The following TRAPPC10 variants were observed in gnomAD, a reference collection of about 807,000 sequenced individuals.
TRAPPC10 encodes the protein trafficking protein particle complex subunit 10.
A neutral mutation model predicts 125.5 loss-of-function variants in TRAPPC10; 23 were observed. The observed-to-expected ratio is 0.18, with a 90% CI of 0.13 to 0.26. TRAPPC10 has a LOEUF of 0.26. TRAPPC10 is among the 10% of genes least tolerant of loss of function. TRAPPC10 has a pLI of 1.00. For missense variants in TRAPPC10, 1,123 were observed against 1,308.4 expected (o/e 0.86, Z 2.19); for synonymous variants, 509 against 518.0 (o/e 0.98, Z 0.24).
chr21:44,079,232 C>G (rs2037501392), intron 11 of TRAPPC10, among the ~76,000 whole-genome samples: 1 of 152,108 alleles, frequency 6.6e-6, no homozygotes, highest in African/African-American at 2.4e-5. Flanking sequence ...TCTTGCCTGT[C>G]AGCTTGAGAT....
At position 44,101,332 on chromosome 21, in the gene TRAPPC10, A is replaced by G. The variant is rs961012642; in HGVS notation, c.3347-1446A>G. ...TTAAGAAGGGACGAGATGATGCTGA[A>G]GATTAAGGCCATAGCAAGCAGACCA... On this transcript the variant is annotated intron_variant, in intron 21 of 22. Transcript: ENST00000291574. Among the ~76,000 whole-genome samples, 60 of 71,638 alleles carry G rather than the reference A, an allele frequency of 8.4e-4. 18 individuals are homozygous for G. The highest frequency in any genetic ancestry group is 1.8e-3 in the African/African-American group (60 of 32,646). The allele number at this position is 71,638 out of a possible 152,430, so 47.0% of individuals were successfully genotyped here.
chr21:44,068,666 T>C (rs9977122), intron 7 of TRAPPC10, among the ~76,000 whole-genome samples: 7,161 of 152,164 alleles, frequency 0.047, 353 homozygotes, highest in African/African-American at 0.1. Context: ...AGTGGTGTGA[T>C]CTTGGCTCAT....
chr21:44,057,863 T>TG (rs980321170), intron 5 of TRAPPC10, among the ~76,000 whole-genome samples: 1 of 152,098 alleles, frequency 6.6e-6, no homozygotes, highest in Non-Finnish European at 1.5e-5. Context: ...CACAAATACA[T>TG]GGGGTGGAAC....
chr21:44,027,973 T>C (rs1469951116), intron 1 of TRAPPC10, among the ~76,000 whole-genome samples: 1 of 152,238 alleles, frequency 6.6e-6, no homozygotes, highest in African/African-American at 2.4e-5. Context: ...TTCTGCTGTT[T>C]ATAAGCCATC....
At chr21:44,056,490 C>G (rs1207048559) in intron 5 of TRAPPC10, among the ~76,000 whole-genome samples, 1 of 152,110 alleles carries the variant, frequency 6.6e-6, no homozygotes, top group Non-Finnish European at 1.5e-5. Flanking sequence ...CAGGTACATA[C>G]CACCTGAATG....
At chr21:44,083,338 T>C (rs1218156091) in intron 14 of TRAPPC10, 36 bp downstream of exon 14, 1 of 1,596,054 alleles carries the variant, frequency 6.3e-7, no homozygotes, top group South Asian at 1.1e-5. Context: ...CTTTCAAGTT[T>C]GTAAAGCAGG....
intron 5 of TRAPPC10, among the ~76,000 whole-genome samples, chr21:44,058,606 T>C (rs2035791237): frequency 6.6e-6 from 1 of 152,196 alleles, no homozygotes; most frequent in Non-Finnish European, 1.5e-5. Context: ...GTGCCTGCCA[T>C]TGGAGCCAGA....
chr21:44,060,711 G>A (rs1353704771), intron 6 of TRAPPC10, among the ~76,000 whole-genome samples: 2 of 142,234 alleles, frequency 1.4e-5, no homozygotes, highest in South Asian at 2.3e-4. Flanking sequence ...AGCGATTTTC[G>A]TGCCTAAGCC....
At chr21:44,035,654 G>C (rs745435414) in intron 2 of TRAPPC10, among the ~76,000 whole-genome samples, 2 of 152,112 alleles carry the variant, frequency 1.3e-5, no homozygotes, top group Non-Finnish European at 2.9e-5. Context: ...GCACACGCCT[G>C]TAATCCCAAC....
At chr21:44,044,339 A>G (rs1021223719) in intron 3 of TRAPPC10, among the ~76,000 whole-genome samples, 2 of 143,590 alleles carry the variant, frequency 1.4e-5, no homozygotes, top group Non-Finnish European at 3.0e-5. Flanking sequence ...AATCTTGATT[A>G]TCGTCTATTT....
At chr21:44,027,996 A>G (rs945008416) in intron 1 of TRAPPC10, among the ~76,000 whole-genome samples, 2 of 152,208 alleles carry the variant, frequency 1.3e-5, no homozygotes, top group Admixed American at 6.5e-5. Context: ...AGTTTATTGT[A>G]TGTTGTTATG....
At position 44,082,045 on chromosome 21, in the gene TRAPPC10, C is replaced by T. The variant is rs915719157; in HGVS notation, c.1724-743C>T. On this transcript the variant is annotated intron_variant, in intron 13 of 22. Coordinates refer to ENST00000291574, the MANE Select transcript of TRAPPC10 (RefSeq NM_003274.5). This position sits in a 1 kb window ranked among gnomAD's most constrained non-coding sequence, Gnocchi z 4.4. The stretch of plus-strand genomic sequence containing the variant: ...ATTTGAGTTGTGATGTTCCTGCCAA[C>T]GTTCCTTGGTATCTCTATACGAATA... 1.7e-4 allele frequency among the ~76,000 whole-genome samples: 26 copies of T among 152,194 alleles called. No homozygotes were observed. Among genetic ancestry groups the T allele is most frequent in the African/African-American group, 6.0e-4 (25 of 41,440 alleles).
chr21:44,031,442 G>A (rs1038808435), intron 1 of TRAPPC10, among the ~76,000 whole-genome samples: 1 of 152,190 alleles, frequency 6.6e-6, no homozygotes, highest in Non-Finnish European at 1.5e-5. Context: ...AGCGTGCAGC[G>A]TAAAGTCGGC....
At chr21:44,084,525 G>A (rs2037992449) in intron 15 of TRAPPC10, among the ~76,000 whole-genome samples, 1 of 152,178 alleles carries the variant, frequency 6.6e-6, no homozygotes, top group Non-Finnish European at 1.5e-5. Flanking sequence ...AGCTCTGAGA[G>A]TGGAAAAAAG....
At chr21:44,092,114 T>A in intron 19 of TRAPPC10, 65 bp downstream of exon 19, 2 of 1,590,096 alleles carry the variant, frequency 1.3e-6, no homozygotes, top group Non-Finnish European at 1.7e-6. Context: ...GGAAATGATG[T>A]AGTATGTGTT....
chr21:44,092,471 T>C (rs995202990), intron 19 of TRAPPC10, among the ~76,000 whole-genome samples: 2 of 152,248 alleles, frequency 1.3e-5, no homozygotes, highest in African/African-American at 4.8e-5. Flanking sequence ...TTTTTCTGTT[T>C]ATGGCTCGCT....
At chr21:44,073,780 G>T (rs147958183) in intron 7 of TRAPPC10, among the ~76,000 whole-genome samples, 2 of 152,020 alleles carry the variant, frequency 1.3e-5, no homozygotes, top group African/African-American at 4.8e-5. Context: ...TCTTTATCAC[G>T]CCTGAAGAGT....
At chr21:44,054,236 A>G (rs2035416606) in intron 4 of TRAPPC10, among the ~76,000 whole-genome samples, 1 of 152,176 alleles carries the variant, frequency 6.6e-6, no homozygotes, top group African/African-American at 2.4e-5. Context: ...CTTTGAGGGA[A>G]GAAAGTGTGC....
chr21:44,055,302 G>A (rs570237493), intron 4 of TRAPPC10, among the ~76,000 whole-genome samples: 2 of 152,176 alleles, frequency 1.3e-5, no homozygotes, highest in East Asian at 1.9e-4. Context: ...GTTTATAGAC[G>A]GAAGAAGCTA....
Sources: gnomAD v4.1 joint callset for allele counts (sites outside exome capture counted in the v4.1 genomes callset) on GRCh38, gnomAD v4.1.1 for gene constraint, Gnocchi (gnomAD v3.1) non-coding constraint, MANE v1.5 for transcripts, NCBI Gene and HGNC (gene_info 2026-07-23, HGNC 2026-07-21) for gene names.